The following RHBDF1 variants were observed in gnomAD, a reference collection of about 807,000 sequenced individuals.
RHBDF1 encodes inactive rhomboid protein 1.
Under a neutral mutation model 98.6 loss-of-function variants are expected in RHBDF1, and 80 were observed. The observed-to-expected ratio is 0.81, with a 90% CI of 0.68 to 0.98. The LOEUF (loss-of-function observed/expected upper bound fraction) is 0.98. Among genes scored for constraint, RHBDF1 ranks in the 50% least tolerant of loss-of-function variants. The pLI is 0.00. For missense variants in RHBDF1, 1,116 were observed against 1,198.3 expected (o/e 0.93, Z 1.01); for synonymous variants, 512 against 486.8 (o/e 1.05, Z -0.68).
At chr16:63,981 A>G in intron 3 of RHBDF1, 181 bp from the exon 4 acceptor site, 1 of 742,412 alleles carries the variant, frequency 1.3e-6, no homozygotes. Flanking sequence ...CTGAACTGTT[A>G]GCCAACTCCA....
In RHBDF1 at chr16:58,198, A is replaced by C. The variant is rs571386106; in HGVS notation, c.*142T>G. On this transcript the variant is annotated 3_prime_UTR_variant, in exon 18 of 18. Coordinates refer to ENST00000262316, the MANE Select transcript of RHBDF1 (RefSeq NM_022450.5). ...ACGAGGGGTTCAACAGAAGTGAACA[A>C]GGCACAAGAAAGAGGTCTGTGTTCA... is the stretch of plus-strand genomic sequence containing the variant. 3.0e-5 allele frequency: 22 copies of C among 732,040 alleles called. No homozygotes were observed. In the African/African-American group the frequency reaches 3.9e-4, roughly 13 times the overall value. 45.3% of individuals were successfully genotyped at this position (732,040 alleles called of 1,614,324 possible).
chr16:61,194 G>C lies in RHBDF1; in HGVS notation c.1483C>G (p.Arg495Gly). ...ACGCAGCAGGCGGAGTGCTTCTCGC[G>C]CTCGCGCGCCGAGCGAATGAAGCTG... ...VHSFIRSARE[R>G]EKHSACCVRN... The change falls in exon 11 of 18, where the codon CGC (arginine) becomes GGC (glycine). Residue 495 changes from arginine (R) to glycine (G), a missense_variant. Transcript: ENST00000262316. 6.5e-7 allele frequency: 1 copy of C among 1,543,214 alleles called. No individual in the cohort carries two copies. Among genetic ancestry groups the C allele is most frequent in the African/African-American group, 1.4e-5 (1 of 73,126 alleles).
At chr16:59,887 CGTTTG>C (rs1185738345) in intron 13 of RHBDF1, 61 bp from the exon 14 acceptor site, 2 of 1,610,864 alleles carry the variant, frequency 1.2e-6, no homozygotes, top group East Asian at 4.5e-5. Context: ...CCCCACACCA[CGTTTG>C]GGGGTAGAGG....
At chr16:58,800 G>T (rs1449558039) in intron 17 of RHBDF1, 41 bp from the exon 18 acceptor site, 2 of 1,593,620 alleles carry the variant, frequency 1.3e-6, no homozygotes, top group African/African-American at 2.7e-5. Context: ...GTGGGGCTGG[G>T]CAGGCCCCCT....
intron 7 of RHBDF1, 128 bp downstream of exon 7, chr16:62,403 CAGTGAGT>C (rs1336074057): frequency 8.3e-7 from 1 of 1,199,604 alleles, no homozygotes; most frequent in East Asian, 2.4e-5. Flanking sequence ...CCTGGTGGCC[CAGTGAGT>C]AGTGAGTTCC....
At position 62,864 on chromosome 16, in the gene RHBDF1, C is replaced by A. The variant is rs1269379486; in HGVS notation, c.706G>T (p.Ala236Ser). 2.5e-6 allele frequency: 4 copies of A among 1,613,798 alleles called. No individual in the cohort carries two copies. In the Admixed American group the frequency reaches 5.0e-5, roughly 20 times the overall value. ...RSVRDGTFRRAQRRSFTPASF... is the reference protein window; with the variant it reads ...RSVRDGTFRRSQRRSFTPASF... ...GCTGGAGTGAAGCTTCGACGCTGTGCCCGGCGAAAGGTGCCATCCCTAACG... is the reference window on the plus strand; with the variant it reads ...GCTGGAGTGAAGCTTCGACGCTGTGACCGGCGAAAGGTGCCATCCCTAACG... The change falls in exon 6 of 18, where the codon GCA (alanine) becomes TCA (serine). Residue 236 changes from alanine to serine, a missense_variant. Physicochemically the swap from Ala to Ser is moderately conservative, Grantham distance 99. Transcript: ENST00000262316.
At position 64,536 on chromosome 16, in the gene RHBDF1, C is replaced by T. The variant is rs1316142489; in HGVS notation, c.248+163G>A. ...AGCAGGGTAGTGGGGTGAGAGCGGT[C>T]AGTATCCAGAACAGGAGGAGGGCAA... On this transcript the variant is annotated intron_variant, in intron 3 of 17. Transcript: ENST00000262316. The T allele has an allele frequency of 9.7e-6, 15 of 1,549,144 alleles. No individual in the cohort carries two copies. In the East Asian group the frequency reaches 1.4e-4, roughly 14 times the overall value.
chr16:58,335 C>G lies in RHBDF1; in HGVS notation c.*5G>C. The G allele has an allele frequency of 6.2e-7, 1 of 1,606,182 alleles. No homozygotes were observed. Among genetic ancestry groups the G allele is most frequent in the South Asian group, 1.1e-5 (1 of 90,796 alleles). On this transcript the variant is annotated 3_prime_UTR_variant, in exon 18 of 18. Transcript: ENST00000262316. The stretch of plus-strand genomic sequence containing the variant: ...AGCACACGGCCGCTGGAGCCCGCAG[C>G]CAGCTCAGTGGAGCTGAGCGTCCAG...
chr16:74,457 G>A (rs957818135), upstream of RHBDF1, among the ~76,000 whole-genome samples: 1 of 152,138 alleles, frequency 6.6e-6, no homozygotes, highest in Non-Finnish European at 1.5e-5. Context: ...CAGCTGCCAG[G>A]AGCACCAGTC....
Position 62,863 on chromosome 16 carries a change from G to T in RHBDF1, c.707C>A (p.Ala236Glu). The T allele has an allele frequency of 1.2e-6, 2 of 1,613,944 alleles. No homozygotes were observed. The highest frequency in any genetic ancestry group is 1.7e-6 in the Non-Finnish European group (2 of 1,179,976). ...RSVRDGTFRR[A>E]QRRSFTPASF... ...AGCTGGAGTGAAGCTTCGACGCTGT[G>T]CCCGGCGAAAGGTGCCATCCCTAAC... Residue 236 changes from alanine (A) to glutamate (E), a missense_variant, in exon 6 of 18, where the codon GCA becomes GAA. By Grantham distance (107) the Ala-to-Glu change is moderately radical. Coordinates refer to ENST00000262316, the MANE Select transcript of RHBDF1 (RefSeq NM_022450.5).
Position 60,804 on chromosome 16 carries a change from T to G in RHBDF1, c.1558-265A>C, listed in dbSNP as rs546836909. Reference sequence around the variant, plus strand: ...TACGGCACTTCCACATAAGATGATGTGATGAAAGTTGGGATGAATTTTTTT... The same window carrying G: ...TACGGCACTTCCACATAAGATGATGGGATGAAAGTTGGGATGAATTTTTTT... On this transcript the variant is annotated intron_variant, in intron 11 of 17. Transcript: ENST00000262316. 1,635 of 563,910 alleles carry G rather than the reference T, an allele frequency of 2.9e-3. 4 individuals are homozygous for G. Among genetic ancestry groups the G allele is most frequent in the Non-Finnish European group, 4.0e-3 (1,267 of 320,536 alleles). The allele number at this position is 563,910 out of a possible 1,614,324, so 34.9% of individuals were successfully genotyped here.
At chr16:70,688 T>G (rs1355472490) in intron 1 of RHBDF1, among the ~76,000 whole-genome samples, 2 of 152,098 alleles carry the variant, frequency 1.3e-5, no homozygotes, top group Non-Finnish European at 2.9e-5. Flanking sequence ...CTGCCTAAGG[T>G]CCCAGGGCCT....
rs146611397 is a variant in RHBDF1, at chr16:63,044, G to A, written c.601C>T (p.Arg201Trp). The A allele has an allele frequency of 7.0e-5, 113 of 1,612,882 alleles. 1 individual carries two copies. The East Asian group carries it at 1.4e-3, about 20-fold the overall frequency. Residue 201 changes from arginine to tryptophan, a missense_variant, in exon 5 of 18, where the codon CGG (arginine) becomes TGG (tryptophan). Arg to Trp is a moderately radical substitution (Grantham distance 101). Coordinates refer to ENST00000262316, the MANE Select transcript of RHBDF1 (RefSeq NM_022450.5). ...TCTCGCTTGCGCCGCCGCGGGAGCCGGTGGAAACCTGAGCGGGAGCTGGAG... is the reference window on the plus strand; with the variant it reads ...TCTCGCTTGCGCCGCCGCGGGAGCCAGTGGAAACCTGAGCGGGAGCTGGAG... ...SFSSSRSGFHRLPRRRKRESV... is the reference protein window; with the variant it reads ...SFSSSRSGFHWLPRRRKRESV...
intron 1 of RHBDF1, among the ~76,000 whole-genome samples, chr16:70,832 C>G (rs923105846): frequency 2.6e-4 from 39 of 152,338 alleles, no homozygotes; most frequent in African/African-American, 9.1e-4. Flanking sequence ...CTGTCAGACC[C>G]TTCTAAGACC....
rs1243593995 is a variant in RHBDF1, at chr16:63,192, GGGA to G, written c.463-13_463-11del. ...CCAGGGGGTCTATGATCTGGAGGAG[GGGA>G]GGAGATGCTGGAGTCAGGACCATGG... is the stretch of plus-strand genomic sequence containing the variant. On this transcript the variant is annotated splice_polypyrimidine_tract_variant and intron_variant, in intron 4 of 17. Coordinates refer to ENST00000262316, the MANE Select transcript of RHBDF1 (RefSeq NM_022450.5). The G allele has an allele frequency of 3.2e-6, 5 of 1,556,804 alleles. No homozygotes were observed. The highest frequency in any genetic ancestry group is 4.3e-6 in the Non-Finnish European group (5 of 1,151,416).
Position 60,994 on chromosome 16 carries a change from C to T in RHBDF1, c.1557+126G>A, listed in dbSNP as rs1468006198. 3.8e-6 allele frequency: 4 copies of T among 1,063,706 alleles called. 1 individual carries two copies. In the African/African-American group the frequency reaches 6.4e-5, roughly 17 times the overall value. 65.9% of individuals were successfully genotyped at this position (1,063,706 alleles called of 1,614,324 possible). ...TGAGGAGGAATGAATATGACAAGGCCTTGCGCGTAAGGACGGCGGGATGTG... is the reference window on the plus strand; with the variant it reads ...TGAGGAGGAATGAATATGACAAGGCTTTGCGCGTAAGGACGGCGGGATGTG... On this transcript the variant is annotated intron_variant, in intron 11 of 17. Coordinates refer to ENST00000262316, the MANE Select transcript of RHBDF1 (RefSeq NM_022450.5).
upstream of RHBDF1, chr16:73,834 T>C (rs1898037467): frequency 1.6e-6 from 1 of 637,178 alleles, no homozygotes; most frequent in South Asian, 6.8e-5. Flanking sequence ...GCTGTTGCAC[T>C]TGAGGGCCCG....
intron 1 of RHBDF1, among the ~76,000 whole-genome samples, chr16:71,242 C>T (rs545716625): frequency 2.3e-4 from 35 of 152,310 alleles, no homozygotes; most frequent in African/African-American, 8.2e-4. Flanking sequence ...GTGAAAGCTA[C>T]TTGGAAGGGC....
At chr16:60,571 T>C (rs1305749811) in intron 11 of RHBDF1, 32 bp from the exon 12 acceptor site, 3 of 1,574,846 alleles carry the variant, frequency 1.9e-6, no homozygotes, top group Non-Finnish European at 2.6e-6. Flanking sequence ...TCAGGTCCAG[T>C]TGGGTCAGGG....
Sources: allele counts gnomAD v4.1 joint callset (sites outside exome capture counted in the v4.1 genomes callset), GRCh38; gene constraint gnomAD v4.1.1; transcripts MANE v1.5; gene names NCBI Gene and HGNC (gene_info 2026-07-23, HGNC 2026-07-21).